Variants in MSN observed in about 807,000 individuals in gnomAD.
The protein encoded by MSN is moesin.
MSN carries 2 observed loss-of-function variants against 48.0 expected under a neutral mutation model. The observed-to-expected ratio is 0.04, with a 90% confidence interval of 0.02 to 0.13. The LOEUF is 0.13. Ranked by LOEUF, MSN falls within the 10% of genes least tolerant of loss-of-function variation. MSN has a pLI of 1.00. For synonymous variants in MSN, 146 were observed against 166.9 expected (o/e 0.87, Z 0.97); for missense variants, 267 against 470.1 (o/e 0.57, Z 3.99).
chrX:65,664,716 A>C (rs890235079), upstream of MSN, among the ~76,000 whole-genome samples: 33 of 62,071 alleles, frequency 5.3e-4, no homozygotes, highest in African/African-American at 1.2e-3. Flanking sequence ...AGCCTCTGAC[A>C]CCCCCTGCCC....
At chrX:65,595,925 G>A (rs189098594) in intron 1 of MSN, among the ~76,000 whole-genome samples, 308 of 111,546 alleles carry the variant, frequency 2.8e-3, no homozygotes, top group African/African-American at 9.1e-3. Flanking sequence ...TAACCCAAAT[G>A]CCTCATTTTA....
intron 1 of MSN, among the ~76,000 whole-genome samples, chrX:65,688,121 G>A (rs191296140): frequency 8.0e-4 from 90 of 112,202 alleles, no homozygotes; most frequent in Non-Finnish European, 1.2e-3. Flanking sequence ...TCCAAGTAAT[G>A]ATAATTCTCT....
At chrX:65,672,758 G>A (rs956600321) in intron 1 of MSN, among the ~76,000 whole-genome samples, 6 of 111,492 alleles carry the variant, frequency 5.4e-5, no homozygotes, top group African/African-American at 2.0e-4. Flanking sequence ...TGAGGGAGCT[G>A]TACCAGTGAT....
At chrX:65,654,372 C>T (rs974348455) in intron 1 of MSN, among the ~76,000 whole-genome samples, 18 of 109,781 alleles carry the variant, frequency 1.6e-4, no homozygotes, top group Non-Finnish European at 3.4e-4. Flanking sequence ...CGGCCCTCCT[C>T]GGCCTCCCAA....
At chrX:65,637,821 C>G (rs1028596129) in intron 1 of MSN, among the ~76,000 whole-genome samples, 3 of 111,627 alleles carry the variant, frequency 2.7e-5, no homozygotes, top group African/African-American at 9.8e-5. Context: ...AACCACCATG[C>G]CTCTATTGAA....
intron 2 of MSN, among the ~76,000 whole-genome samples, chrX:65,722,770 A>G (rs2071531259): frequency 9.1e-6 from 1 of 110,257 alleles, no homozygotes; most frequent in Non-Finnish European, 1.9e-5. Context: ...GTTTACTCAG[A>G]TAAATGCATG....
chrX:65,656,675 A>C (rs970725741), intron 1 of MSN, among the ~76,000 whole-genome samples: 4 of 111,844 alleles, frequency 3.6e-5, no homozygotes, highest in African/African-American at 6.5e-5. Context: ...AGGGAGGCCA[A>C]ATGAGCACTG....
chrX:65,648,898 T>TAAATA lies in MSN; in HGVS notation c.-22+60315_-22+60319dup, dbSNP rs761919813. The stretch of plus-strand genomic sequence containing the variant: ...ATAAAATAAAATAAAATAAATAAAA[T>TAAATA]AAATAAAATAAAATAAAATAAAATA... On this transcript the variant is annotated intron_variant, in intron 1 of 3. Transcript: ENST00000609672. Among the ~76,000 whole-genome samples, 493 of 107,092 alleles carry TAAATA rather than the reference T, an allele frequency of 4.6e-3. 4 individuals are homozygous for TAAATA. Among genetic ancestry groups the TAAATA allele is most frequent in the Middle Eastern group, 0.019 (4 of 208 alleles). 93.0% of individuals were successfully genotyped at this position (107,092 alleles called of 115,157 possible).
chrX:65,676,806 A>G (rs1289200409), intron 1 of MSN, among the ~76,000 whole-genome samples: 2 of 109,293 alleles, frequency 1.8e-5, no homozygotes, highest in African/African-American at 6.7e-5. Context: ...CCTCCAACCC[A>G]TGATCCATTT....
intron 1 of MSN, among the ~76,000 whole-genome samples, chrX:65,652,133 C>A (rs2070747205): frequency 9.1e-6 from 1 of 109,713 alleles, no homozygotes; most frequent in African/African-American, 3.3e-5. Flanking sequence ...GGCCAGCAGG[C>A]AAGCCCATGA....
At chrX:65,622,025 A>G (rs1350136963) in intron 1 of MSN, among the ~76,000 whole-genome samples, 1 of 109,863 alleles carries the variant, frequency 9.1e-6, no homozygotes, top group African/African-American at 3.3e-5. Flanking sequence ...GTTGTGGATT[A>G]TTTGGGATTT....
At chrX:65,588,625 G>A in intron 1 of MSN, 1 of 796,237 alleles carries the variant, frequency 1.3e-6, no homozygotes, top group East Asian at 7.5e-5. Context: ...GAGTGAACAG[G>A]GGCTGGCTGA....
upstream of MSN, among the ~76,000 whole-genome samples, chrX:65,664,253 A>C (rs1010139337): frequency 9.0e-6 from 1 of 110,946 alleles, no homozygotes; most frequent in African/African-American, 3.3e-5. Flanking sequence ...TCTCACTTAT[A>C]AGTGGGAGCT....
At chrX:65,726,935 A>G (rs2071573316) in intron 2 of MSN, among the ~76,000 whole-genome samples, 1 of 111,261 alleles carries the variant, frequency 9.0e-6, no homozygotes, top group Non-Finnish European at 1.9e-5. Context: ...AACAGAGCTC[A>G]TCTGTGTTCT....
chrX:65,668,886 G>A lies in MSN; in HGVS notation c.12+1033G>A, dbSNP rs1017463737. ...GTTGAGCTGGCCTAGGCAATGCAGTGCTCCCAAACATGTCTCCCCAGGACT... is the reference window on the plus strand; with the variant it reads ...GTTGAGCTGGCCTAGGCAATGCAGTACTCCCAAACATGTCTCCCCAGGACT... On this transcript the variant is annotated intron_variant, in intron 1 of 12. Transcript: ENST00000360270. Among the ~76,000 whole-genome samples, 7 of 111,749 alleles carry A rather than the reference G, an allele frequency of 6.3e-5. No individual in the cohort carries two copies. In the Admixed American group the frequency reaches 6.7e-4, roughly 11 times the overall value.
At chrX:65,733,962 CT>C (rs59491585) in intron 7 of MSN, among the ~76,000 whole-genome samples, 3 of 107,414 alleles carry the variant, frequency 2.8e-5, no homozygotes, top group Admixed American at 9.8e-5. Context: ...CCCTTGACTT[CT>C]TTTTTTTTTA....
Position 65,735,335 on chromosome X carries a change from T to C in MSN, c.864T>C (p.His288=). The part of the protein sequence containing the change: ...KRILALCMGN[H]ELYMRRRKPD... ...TCTTGGCCTTGTGCATGGGGAACCA[T>C]GAACTATACATGCGCCGTCGCAAGC... Residue 288 remains histidine, a synonymous_variant, in exon 8 of 13, where the codon CAT becomes CAC. Transcript: ENST00000360270. 1 of 1,210,671 alleles carries C rather than the reference T, an allele frequency of 8.3e-7. No homozygotes were observed. Among genetic ancestry groups the C allele is most frequent in the Non-Finnish European group, 1.1e-6 (1 of 894,967 alleles).
chrX:65,590,200 C>T (rs1325351694), intron 1 of MSN, among the ~76,000 whole-genome samples: 1 of 111,317 alleles, frequency 9.0e-6, no homozygotes, highest in African/African-American at 3.3e-5. Context: ...GCCCTGCCAA[C>T]ATTTGTTGGG....
chrX:65,644,900 G>C (rs145229894), intron 1 of MSN, among the ~76,000 whole-genome samples: 1,921 of 112,522 alleles, frequency 0.017, 50 homozygotes, highest in African/African-American at 0.058. Flanking sequence ...GTAGGTGTCA[G>C]AACACCATGA....
Sources: gnomAD v4.1 joint callset for allele counts (sites outside exome capture counted in the v4.1 genomes callset) on GRCh38, gnomAD v4.1.1 for gene constraint, MANE v1.5 for transcripts, NCBI Gene and HGNC (gene_info 2026-07-23, HGNC 2026-07-21) for gene names.